Variants in CADPS observed in about 807,000 individuals in gnomAD.
CADPS encodes calcium dependent secretion activator.
CADPS carries 57 observed loss-of-function variants against 167.3 expected under a neutral mutation model. That is an observed-to-expected ratio of 0.34 (90% confidence interval 0.28 to 0.42). The LOEUF (loss-of-function observed/expected upper bound fraction) is 0.42, where lower values mean the gene tolerates loss of function less well. CADPS is among the 20% of genes least tolerant of loss of function. CADPS has a pLI of 1.00. For synonymous variants in CADPS, 676 were observed against 635.3 expected (o/e 1.06, Z -0.96); for missense variants, 1,414 against 1,738.1 (o/e 0.81, Z 3.32).
chr3:62,738,661 G>T (rs1224661731), intron 3 of CADPS, among the ~76,000 whole-genome samples: 1 of 152,116 alleles, frequency 6.6e-6, no homozygotes, highest in Non-Finnish European at 1.5e-5. Context: ...GGGAGGCGGA[G>T]GTTGCAGTGA....
At chr3:62,475,612 A>C (rs1011923527) in intron 23 of CADPS, among the ~76,000 whole-genome samples, 7 of 145,834 alleles carry the variant, frequency 4.8e-5, no homozygotes, top group South Asian at 2.2e-4. Flanking sequence ...AAAAAAAAAA[A>C]CACCTAAAAA....
chr3:62,846,242 T>C (rs1278755306), intron 1 of CADPS, among the ~76,000 whole-genome samples: 3 of 152,206 alleles, frequency 2.0e-5, no homozygotes, highest in African/African-American at 2.4e-5. Flanking sequence ...GGTAGTTATT[T>C]ATAGCAGTGT....
At chr3:62,724,346 A>G (rs1292609444) in intron 3 of CADPS, among the ~76,000 whole-genome samples, 2 of 152,160 alleles carry the variant, frequency 1.3e-5, no homozygotes, top group Non-Finnish European at 2.9e-5. Context: ...CCTGAGCACA[A>G]TTGCAATGGC....
chr3:62,629,673 C>A (rs564391330), intron 6 of CADPS, among the ~76,000 whole-genome samples: 1 of 152,106 alleles, frequency 6.6e-6, no homozygotes, highest in Admixed American at 6.5e-5. Flanking sequence ...AATCAAAGAC[C>A]TTTCGTGTCC....
intron 10 of CADPS, among the ~76,000 whole-genome samples, chr3:62,556,626 A>G (rs1339615641): frequency 6.6e-6 from 1 of 151,412 alleles, no homozygotes; most frequent in Non-Finnish European, 1.5e-5. Flanking sequence ...TGCTGAAATG[A>G]TTTCGCACCC....
chr3:62,670,177 T>A (rs1462314445), intron 3 of CADPS, among the ~76,000 whole-genome samples: 1 of 152,114 alleles, frequency 6.6e-6, no homozygotes, highest in African/African-American at 2.4e-5. Context: ...ATGATGACAA[T>A]AAATATTCTC....
chr3:62,484,369 G>T (rs1033220558), intron 21 of CADPS, among the ~76,000 whole-genome samples: 1 of 152,154 alleles, frequency 6.6e-6, no homozygotes, highest in Non-Finnish European at 1.5e-5. Context: ...GTAGCACTTA[G>T]TTCCAATCAG....
chr3:62,667,914 AG>A (rs1272558336), intron 3 of CADPS, among the ~76,000 whole-genome samples: 7 of 152,142 alleles, frequency 4.6e-5, no homozygotes, highest in African/African-American at 1.7e-4. Context: ...AAATTGTCAA[AG>A]GGCCTGGGCC....
At position 62,403,069 on chromosome 3, in the gene CADPS, C is replaced by G; in HGVS notation, c.3882+12G>C. On this transcript the variant is annotated intron_variant, in intron 29 of 29. Transcript: ENST00000383710. ...GCTATTTGCAAAGAAGAATAATAAT[C>G]TTTTCTTTTACCTTTACCATCCTAA... 1 of 1,510,506 alleles carries G rather than the reference C, an allele frequency of 6.6e-7. No homozygotes were observed. Among genetic ancestry groups the G allele is most frequent in the Non-Finnish European group, 9.2e-7 (1 of 1,089,676 alleles). 93.6% of individuals were successfully genotyped at this position (1,510,506 alleles called of 1,614,324 possible).
intron 2 of CADPS, among the ~76,000 whole-genome samples, chr3:62,755,243 T>C (rs1043425262): frequency 6.6e-6 from 1 of 152,092 alleles, no homozygotes; most frequent in Non-Finnish European, 1.5e-5. Context: ...TGGTGGAAAA[T>C]CCCTGGTTGG....
At chr3:62,814,486 AT>A (rs1282864898) in intron 1 of CADPS, 1 of 152,206 alleles carries the variant, frequency 6.6e-6, no homozygotes, top group African/African-American at 2.4e-5. Context: ...AGCGGTTCAT[AT>A]AAAAATTTCT....
At position 62,597,756 on chromosome 3, in the gene CADPS, C is replaced by T. The variant is rs557679739; in HGVS notation, c.1326-5008G>A. ...CTATTGGACACAGAGTTTCTTTTCC[C>T]TTCCACCAGGCCTGCAGCTGTGCTT... On this transcript the variant is annotated intron_variant, in intron 6 of 29. Coordinates refer to ENST00000383710, the MANE Select transcript of CADPS (RefSeq NM_003716.4). Among the ~76,000 whole-genome samples, 17 of 152,286 alleles carry T rather than the reference C, an allele frequency of 1.1e-4. No individual in the cohort carries two copies. In the South Asian group the frequency reaches 3.5e-3, roughly 32 times the overall value.
intron 8 of CADPS, among the ~76,000 whole-genome samples, chr3:62,584,129 T>C (rs563720509): frequency 6.6e-6 from 1 of 151,806 alleles, no homozygotes; most frequent in African/African-American, 2.4e-5. Context: ...CTCAGCCTCC[T>C]GAATAGCTAG....
chr3:62,603,471 G>C (rs565012209), intron 6 of CADPS, among the ~76,000 whole-genome samples: 1 of 152,254 alleles, frequency 6.6e-6, no homozygotes, highest in Admixed American at 6.5e-5. Context: ...TCGAATCAAG[G>C]CTGGAGGGAA....
chr3:62,661,704 C>G (rs981443600), intron 4 of CADPS, among the ~76,000 whole-genome samples: 2 of 152,068 alleles, frequency 1.3e-5, no homozygotes, highest in Non-Finnish European at 2.9e-5. Context: ...AATGGGGGAA[C>G]TGCAGCCAGG....
intron 12 of CADPS, among the ~76,000 whole-genome samples, chr3:62,533,995 G>C (rs1043991500): frequency 1.3e-5 from 2 of 152,178 alleles, no homozygotes; most frequent in East Asian, 3.9e-4. Context: ...GAGCAGGTTT[G>C]GTGGCATGAT....
intron 8 of CADPS, among the ~76,000 whole-genome samples, chr3:62,576,615 G>A (rs1354628213): frequency 9.3e-6 from 1 of 107,572 alleles, no homozygotes; most frequent in Non-Finnish European, 1.9e-5. Context: ...ACATGGTGAA[G>A]ACCCATTTCT....
At chr3:62,606,704 G>A (rs1210046436) in intron 6 of CADPS, among the ~76,000 whole-genome samples, 5 of 152,178 alleles carry the variant, frequency 3.3e-5, no homozygotes, top group African/African-American at 9.7e-5. Context: ...TTCGGCCAAC[G>A]GGGCATTGGC....
chr3:62,426,136 G>A (rs1290138480), intron 28 of CADPS, among the ~76,000 whole-genome samples: 1 of 152,006 alleles, frequency 6.6e-6, no homozygotes, highest in Non-Finnish European at 1.5e-5. Flanking sequence ...GAAAGGGTGT[G>A]GGGTGTGTGT....
Sources: gnomAD v4.1 joint callset for allele counts (sites outside exome capture counted in the v4.1 genomes callset) on GRCh38, gnomAD v4.1.1 for gene constraint, MANE v1.5 for transcripts, NCBI Gene and HGNC (gene_info 2026-07-23, HGNC 2026-07-21) for gene names.